NBAS: variants seen among roughly 807,000 people sequenced by gnomAD.
NBAS encodes NBAS subunit of NRZ tethering complex, also known as NAG/BC035112 fusion.
NBAS carries 219 observed loss-of-function variants against 302.5 expected under a neutral mutation model. The observed-to-expected ratio is 0.72, with a 90% CI of 0.65 to 0.81. The LOEUF is 0.81. Among genes scored for constraint, NBAS ranks in the 30% least tolerant of loss-of-function variants. NBAS has a pLI of 0.00. For synonymous variants in NBAS, 1,118 were observed against 1,021.6 expected (o/e 1.09, Z -1.80); for missense variants, 2,932 against 2,841.6 (o/e 1.03, Z -0.72).
chr2:14,953,243 T>C, the NBAS span, among the ~76,000 whole-genome samples: 1 of 152,276 alleles, frequency 6.6e-6, no homozygotes, highest in Middle Eastern at 3.4e-3. Flanking sequence ...GAGCACCATT[T>C]GGACTACAGC....
At chr2:14,796,919 C>CAAG in the NBAS span, among the ~76,000 whole-genome samples, 1 of 86,508 alleles carries the variant, frequency 1.2e-5, no homozygotes, top group Non-Finnish European at 2.3e-5. Flanking sequence ...CTAAAAAATA[C>CAAG]AAAAAAAAAA....
chr2:15,369,494 T>C (rs1175042825), intron 31 of NBAS, among the ~76,000 whole-genome samples: 1 of 152,216 alleles, frequency 6.6e-6, no homozygotes, highest in East Asian at 1.9e-4. Flanking sequence ...AATTACCCTG[T>C]TCAAATGACT....
chr2:15,308,499 C>T, intron 39 of NBAS, 146 bp from the exon 40 acceptor site: 1 of 1,032,584 alleles, frequency 9.7e-7, no homozygotes. Context: ...TTAATAATGA[C>T]TATATTAAAA....
At position 15,473,284 on chromosome 2, in the gene NBAS, G is replaced by T; in HGVS notation, c.1663C>A (p.Leu555Ile). The part of the protein sequence containing the change: ...LAHTYGLDTD[L>I]VYQRQWRKSA... Reference sequence around the variant, plus strand: ...TTCCTCCACTGCCTCTGATATACAAGGTCAGTATCCAGGCCGTAGGTATGA... The same window carrying T: ...TTCCTCCACTGCCTCTGATATACAATGTCAGTATCCAGGCCGTAGGTATGA... The change falls in exon 16 of 52, where the codon CTT becomes ATT. Residue 555 changes from leucine (L) to isoleucine (I), a missense_variant. By Grantham distance (5) the Leu-to-Ile change is conservative (BLOSUM62 2). Transcript: ENST00000281513. 8.7e-6 allele frequency: 14 copies of T among 1,614,026 alleles called. No homozygotes were observed. The highest frequency in any genetic ancestry group is 1.1e-5 in the Non-Finnish European group (13 of 1,179,922).
At chr2:15,265,937 C>A (rs11904635) in intron 44 of NBAS, among the ~76,000 whole-genome samples, 89,480 of 152,102 alleles carry the variant, frequency 0.59, 29,182 homozygotes, top group African/African-American at 0.87. Context: ...TAAGGACAGC[C>A]GATAATACGG....
chr2:15,262,004 G>C lies in NBAS; in HGVS notation c.5724+13480C>G, dbSNP rs1461047228. On this transcript the variant is annotated intron_variant, in intron 44 of 51. Transcript: ENST00000281513. ...CAGGATCATGCAAAACCAAGAGTTA[G>C]ATCATCCAGGGCAATCTCATCCCTC... Among the ~76,000 whole-genome samples, 3 of 152,280 alleles carry C rather than the reference G, an allele frequency of 2.0e-5. No homozygotes were observed. The East Asian group carries it at 5.8e-4, about 29-fold the overall frequency.
chr2:15,244,115 G>C (rs1336946980), intron 44 of NBAS, among the ~76,000 whole-genome samples: 1 of 152,092 alleles, frequency 6.6e-6, no homozygotes, highest in African/African-American at 2.4e-5. Context: ...AAGATATACA[G>C]AACAATATTT....
chr2:15,496,369 T>C (rs1232249928), intron 11 of NBAS, among the ~76,000 whole-genome samples: 1 of 152,118 alleles, frequency 6.6e-6, no homozygotes, highest in African/African-American at 2.4e-5. Context: ...AGGGTTTTTT[T>C]CCAGAGCGAT....
chr2:15,329,930 G>A (rs760716024), intron 36 of NBAS, among the ~76,000 whole-genome samples: 6 of 152,202 alleles, frequency 3.9e-5, no homozygotes, highest in South Asian at 2.1e-4. Context: ...TGTATTTTCT[G>A]TGTCTCCCTC....
rs933092279 is a variant in NBAS at position 15,431,007 on chromosome 2, A to G, written c.2340-3213T>C. 3.3e-5 allele frequency among the ~76,000 whole-genome samples: 5 copies of G among 151,428 alleles called. No homozygotes were observed. In the South Asian group the frequency reaches 1.0e-3, roughly 32 times the overall value. ...TTTTTTTTAGAGAGACAGTTTCACC[A>G]TATCAATCAGGCTGGTCTCAAACTC... is the stretch of plus-strand genomic sequence containing the variant. On this transcript the variant is annotated intron_variant, in intron 21 of 51. Coordinates refer to ENST00000281513, the MANE Select transcript of NBAS (RefSeq NM_015909.4).
intron 32 of NBAS, among the ~76,000 whole-genome samples, chr2:15,357,341 A>C (rs1209435464): frequency 2.0e-5 from 3 of 152,114 alleles, no homozygotes; most frequent in Non-Finnish European, 4.4e-5. Context: ...CATCACACTC[A>C]CTCAGAAGAG....
chr2:15,373,290 A>C lies in NBAS; in HGVS notation c.3703+1318T>G, dbSNP rs138144374. Among the ~76,000 whole-genome samples the C allele has an allele frequency of 6.0e-3, 920 of 152,324 alleles. 11 individuals carry two copies. The highest frequency in any genetic ancestry group is 0.02 in the African/African-American group (827 of 41,562). ...TTATAATCACGTACAAATTGTTTCC[A>C]AACAATGATATTCAAAGTAATAATA... On this transcript the variant is annotated intron_variant, in intron 31 of 51. Coordinates refer to ENST00000281513, the MANE Select transcript of NBAS (RefSeq NM_015909.4).
chr2:15,339,421 C>CTA (rs1002329513), intron 35 of NBAS, among the ~76,000 whole-genome samples: 41 of 152,264 alleles, frequency 2.7e-4, no homozygotes, highest in African/African-American at 9.6e-4. Context: ...TCCCATTCAA[C>CTA]TATTCCTCCC....
chr2:15,418,026 T>C lies in NBAS; in HGVS notation c.2578-314A>G, dbSNP rs560345827. On this transcript the variant is annotated intron_variant, in intron 23 of 51. Coordinates refer to ENST00000281513, the MANE Select transcript of NBAS (RefSeq NM_015909.4). ...ATTTCTTTTAATTCTTACAACATTATATTTACATAATAAGAGAAAAAACAC... is the reference window on the plus strand; with the variant it reads ...ATTTCTTTTAATTCTTACAACATTACATTTACATAATAAGAGAAAAAACAC... 4.0e-3 allele frequency among the ~76,000 whole-genome samples: 609 copies of C among 152,272 alleles called. 5 individuals are homozygous for C. Among genetic ancestry groups the C allele is most frequent in the African/African-American group, 0.014 (563 of 41,516 alleles).
chr2:15,417,010 C>T (rs1335010028), intron 24 of NBAS, among the ~76,000 whole-genome samples: 1 of 152,102 alleles, frequency 6.6e-6, no homozygotes, highest in Non-Finnish European at 1.5e-5. Context: ...ACAGCACCAT[C>T]CTTCTTGCCT....
intron 28 of NBAS, 87 bp from the exon 29 acceptor site, chr2:15,383,404 A>G: frequency 8.8e-7 from 1 of 1,134,574 alleles, no homozygotes; most frequent in African/African-American, 1.5e-5. Flanking sequence ...TAAAAAAACA[A>G]AAACTGGTAC....
At chr2:14,971,471 C>T in the NBAS span, among the ~76,000 whole-genome samples, 4 of 152,046 alleles carry the variant, frequency 2.6e-5, no homozygotes, top group Non-Finnish European at 4.4e-5. Flanking sequence ...GCCAAGATTG[C>T]GCCACTGCAC....
Position 15,243,134 on chromosome 2 carries a change from G to C in NBAS, c.5725-4448C>G, listed in dbSNP as rs137958774. ...CATCTCTCATAAAGAGCACTGCAAC[G>C]GTTCTAACTTGTCTCCCAGTGTGAC... On this transcript the variant is annotated intron_variant, in intron 44 of 51. Transcript: ENST00000281513. Among the ~76,000 whole-genome samples, 13 of 152,114 alleles carry C rather than the reference G, an allele frequency of 8.5e-5. No individual in the cohort carries two copies. The East Asian group carries it at 2.3e-3, about 27-fold the overall frequency.
chr2:15,104,927 C>T, the NBAS span, among the ~76,000 whole-genome samples: 1 of 151,778 alleles, frequency 6.6e-6, no homozygotes, highest in South Asian at 2.1e-4. Context: ...TGTTTAAGTT[C>T]CTTGTAGATT....
Sources: gnomAD v4.1 joint callset for allele counts (sites outside exome capture counted in the v4.1 genomes callset) on GRCh38, gnomAD v4.1.1 for gene constraint, MANE v1.5 for transcripts, NCBI Gene and HGNC (gene_info 2026-07-23, HGNC 2026-07-21) for gene names.